The following HOXD9 variants were observed in gnomAD, a reference collection of about 807,000 sequenced individuals.
HOXD9 encodes homeobox D9.
HOXD9 carries 21 observed loss-of-function variants against 24.6 expected under a neutral mutation model. The observed-to-expected ratio is 0.85, with a 90% CI of 0.61 to 1.23. HOXD9 has a LOEUF of 1.23. Among genes scored for constraint, HOXD9 ranks in the 50% most tolerant of loss-of-function variants. HOXD9 has a pLI of 0.00. For synonymous variants in HOXD9, 240 were observed against 226.4 expected, an observed-to-expected ratio of 1.06 and a Z score of -0.54; for missense variants, 503 against 503.6, an observed-to-expected ratio of 1.00 and a Z score of 0.01.
Position 176,123,949 on chromosome 2 carries a change from A to T in HOXD9, c.833A>T (p.Asn278Ile). The T allele has an allele frequency of 6.2e-7, 1 of 1,611,420 alleles. No individual in the cohort carries two copies. Among genetic ancestry groups the T allele is most frequent in the Non-Finnish European group, 8.5e-7 (1 of 1,177,922 alleles). Reference sequence around the variant, plus strand: ...CTCTTTGTAGACAACCCCGCCGCGAACTGGATCCACGCTCGCTCCACCCGG... The same window carrying T: ...CTCTTTGTAGACAACCCCGCCGCGATCTGGATCCACGCTCGCTCCACCCGG... ...QQLDPNNPAA[N>I]WIHARSTRKK... The change falls in exon 2 of 2, where the codon AAC becomes ATC. Residue 278 changes from asparagine to isoleucine, a missense_variant. Transcript: ENST00000249499. This position sits in a 1 kb window ranked among gnomAD's most constrained non-coding sequence, Gnocchi z 4.2.
In HOXD9 at chr2:176,123,985, G is replaced by C. The variant is rs772328942; in HGVS notation, c.869G>C (p.Cys290Ser). ...IHARSTRKKR[C>S]PYTKYQTLEL... is the part of the protein sequence containing the mutation. ...GCTCGCTCCACCCGGAAAAAGCGCT[G>C]TCCCTACACCAAATACCAGACGCTT... The change falls in exon 2 of 2, where the codon TGT becomes TCT. Residue 290 changes from cysteine (C) to serine (S), a missense_variant. Transcript: ENST00000249499. The surrounding 1 kb of genome is among the most constrained non-coding windows in gnomAD (Gnocchi z 4.2). 1.9e-6 allele frequency: 3 copies of C among 1,613,818 alleles called. No individual in the cohort carries two copies. The highest frequency in any genetic ancestry group is 2.2e-5 in the South Asian group (2 of 91,074).
Position 176,123,245 on chromosome 2 carries a change from G to A in HOXD9, c.477G>A (p.Gly159=). Residue 159 remains glycine (G), a synonymous_variant, in exon 1 of 2, where the codon GGG becomes GGA. Coordinates refer to ENST00000249499, the MANE Select transcript of HOXD9 (RefSeq NM_014213.4). The surrounding 1 kb of genome is among the most constrained non-coding windows in gnomAD (Gnocchi z 4.2). ...GCCCAGCCAACGGGCGCCACTACGG[G>A]ATTAAGCCTGAAACCCGAGCGGCCC... ...PSGPANGRHY[G]IKPETRAAPA... 2 of 1,510,646 alleles carry A rather than the reference G, an allele frequency of 1.3e-6. No individual in the cohort carries two copies. Among genetic ancestry groups the A allele is most frequent in the Non-Finnish European group, 8.9e-7 (1 of 1,126,138 alleles). 93.6% of individuals were successfully genotyped at this position (1,510,646 alleles called of 1,614,324 possible). A position where few individuals can be genotyped will look rare whatever the true frequency, so the allele number is the denominator to read the frequency against.
chr2:176,123,157 C>G lies in HOXD9; in HGVS notation c.389C>G (p.Ala130Gly). ...CCGCTGCCCGGCTTCCCGGGCGGTG[C>G]GGGCGGTGGCGGTGGTGGTGGAGGC... ...MEPLPGFPGG[A>G]GGGGGGGGGG... is the part of the protein sequence containing the mutation. The change falls in exon 1 of 2, where the codon GCG (alanine) becomes GGG (glycine). Residue 130 changes from alanine to glycine, a missense_variant. Coordinates refer to ENST00000249499, the MANE Select transcript of HOXD9 (RefSeq NM_014213.4). The surrounding 1 kb of genome is among the most constrained non-coding windows in gnomAD (Gnocchi z 4.2). 1 of 1,407,996 alleles carries G rather than the reference C, an allele frequency of 7.1e-7. No individual in the cohort carries two copies. The highest frequency in any genetic ancestry group is 9.2e-7 in the Non-Finnish European group (1 of 1,085,870). 87.2% of individuals were successfully genotyped at this position (1,407,996 alleles called of 1,614,324 possible).
chr2:176,124,154 G>A lies in HOXD9; in HGVS notation c.1038G>A (p.Glu346=), dbSNP rs767188288. 4.3e-6 allele frequency: 7 copies of A among 1,612,902 alleles called. No individual in the cohort carries two copies. In the African/African-American group the frequency reaches 8.0e-5, roughly 18 times the overall value. The change falls in exon 2 of 2, where the codon GAG becomes GAA. Residue 346 remains glutamate (E), a synonymous_variant. Transcript: ENST00000249499. ...RRMKMKKMSK[E]KCPKGD Reference sequence around the variant, plus strand: ...TGAAAATGAAAAAGATGAGCAAGGAGAAATGCCCCAAAGGAGACTGACCCG... The same window carrying A: ...TGAAAATGAAAAAGATGAGCAAGGAAAAATGCCCCAAAGGAGACTGACCCG...
chr2:176,123,133 C>T lies in HOXD9; in HGVS notation c.365C>T (p.Pro122Leu), dbSNP rs1689906888. 2 of 1,420,684 alleles carry T rather than the reference C, an allele frequency of 1.4e-6. No individual in the cohort carries two copies. The highest frequency in any genetic ancestry group is 9.1e-7 in the Non-Finnish European group (1 of 1,093,012). The allele number at this position is 1,420,684 out of a possible 1,614,324, so 88.0% of individuals were successfully genotyped here. A position where few individuals can be genotyped will look rare whatever the true frequency, so the allele number is the denominator to read the frequency against. Residue 122 changes from proline (P) to leucine (L), a missense_variant, in exon 1 of 2, where the codon CCG becomes CTG. Physicochemically the swap from Pro to Leu is moderately conservative, Grantham distance 98. Coordinates refer to ENST00000249499, the MANE Select transcript of HOXD9 (RefSeq NM_014213.4). This position sits in a 1 kb window ranked among gnomAD's most constrained non-coding sequence, Gnocchi z 4.2. The part of the protein sequence containing the change: ...PGRYVRSWME[P>L]LPGFPGGAGG... ...CGCTACGTGCGCTCCTGGATGGAGC[C>T]GCTGCCCGGCTTCCCGGGCGGTGCG...
rs776668727 is a variant in HOXD9, at chr2:176,124,095, A to C, written c.979A>C (p.Arg327=). 1.2e-6 allele frequency: 2 copies of C among 1,614,180 alleles called. No individual in the cohort carries two copies. Among genetic ancestry groups the C allele is most frequent in the Non-Finnish European group, 1.7e-6 (2 of 1,180,016 alleles). The change falls in exon 2 of 2, where the codon AGA becomes CGA. Residue 327 remains arginine, a synonymous_variant. Transcript: ENST00000249499. ...EVARILNLTE[R]QVKIWFQNRR... is the part of the protein sequence containing the mutation. ...GGCCAGGATTCTCAACCTAACAGAG[A>C]GACAGGTCAAAATCTGGTTTCAGAA...
rs780806613 is a variant in HOXD9 at position 176,124,052 on chromosome 2, G to A, written c.936G>A (p.Arg312=). 6.2e-7 allele frequency: 1 copy of A among 1,614,014 alleles called. No individual in the cohort carries two copies. Among genetic ancestry groups the A allele is most frequent in the South Asian group, 1.1e-5 (1 of 91,076 alleles). The change falls in exon 2 of 2, where the codon CGG becomes CGA. Residue 312 remains arginine, a synonymous_variant. Coordinates refer to ENST00000249499, the MANE Select transcript of HOXD9 (RefSeq NM_014213.4). ...KEFLFNMYLT[R]DRRYEVARIL... is the part of the protein sequence containing the mutation. ...TCCTCTTCAACATGTACCTCACCCG[G>A]GACCGGCGCTACGAGGTGGCCAGGA...
chr2:176,123,490 A>G lies in HOXD9; in HGVS notation c.722A>G (p.Glu241Gly), dbSNP rs781552143. Residue 241 changes from glutamate to glycine, a missense_variant, in exon 1 of 2, where the codon GAG becomes GGG. Coordinates refer to ENST00000249499, the MANE Select transcript of HOXD9 (RefSeq NM_014213.4). The surrounding 1 kb of genome is among the most constrained non-coding windows in gnomAD (Gnocchi z 4.2). Reference protein sequence around the residue: ...GAATGTGGSSEPSACSDHPIP... With the variant: ...GAATGTGGSSGPSACSDHPIP... ...GCGACTGGGACGGGCGGCTCGTCGGAGCCCTCAGCTTGCAGCGACCACCCG... is the reference window on the plus strand; with the variant it reads ...GCGACTGGGACGGGCGGCTCGTCGGGGCCCTCAGCTTGCAGCGACCACCCG... 16 of 1,538,812 alleles carry G rather than the reference A, an allele frequency of 1.0e-5. No homozygotes were observed. The highest frequency in any genetic ancestry group is 1.4e-5 in the Non-Finnish European group (16 of 1,137,890).
In HOXD9 at chr2:176,123,910, G is replaced by C; in HGVS notation, c.818-24G>C. The C allele has an allele frequency of 6.3e-7, 1 of 1,594,626 alleles. No individual in the cohort carries two copies. Among genetic ancestry groups the C allele is most frequent in the Non-Finnish European group, 8.6e-7 (1 of 1,165,436 alleles). The stretch of plus-strand genomic sequence containing the variant: ...GCCTCCCCTCCTCTCCTCTCTCCCC[G>C]TCTCCAAACCTCCCTCTTTGTAGAC... On this transcript the variant is annotated intron_variant, in intron 1 of 1. Transcript: ENST00000249499. This position sits in a 1 kb window ranked among gnomAD's most constrained non-coding sequence, Gnocchi z 4.2.
Position 176,123,729 on chromosome 2 carries a change from T to C in HOXD9, c.817+144T>C. The C allele has an allele frequency of 8.3e-7, 1 of 1,210,178 alleles. No homozygotes were observed. The highest frequency in any genetic ancestry group is 1.1e-6 in the Non-Finnish European group (1 of 898,134). 75.0% of individuals were successfully genotyped at this position (1,210,178 alleles called of 1,614,324 possible). A position where few individuals can be genotyped will look rare whatever the true frequency, so the allele number is the denominator to read the frequency against. Reference sequence around the variant, plus strand: ...AACAACATGCATCCATAAAAAGAGCTTCCCATAACCACCTACCCTGGGCGC... The same window carrying C: ...AACAACATGCATCCATAAAAAGAGCCTCCCATAACCACCTACCCTGGGCGC... On this transcript the variant is annotated intron_variant, in intron 1 of 1. Transcript: ENST00000249499. This position sits in a 1 kb window ranked among gnomAD's most constrained non-coding sequence, Gnocchi z 4.2.
In HOXD9 at chr2:176,122,987, C is replaced by G. The variant is rs1358688490; in HGVS notation, c.219C>G (p.Ala73=). 2 of 1,597,934 alleles carry G rather than the reference C, an allele frequency of 1.3e-6. No homozygotes were observed. Among genetic ancestry groups the G allele is most frequent in the South Asian group, 2.2e-5 (2 of 89,656 alleles). The change falls in exon 1 of 2, where the codon GCC becomes GCG. Residue 73 remains alanine (A), a synonymous_variant. Transcript: ENST00000249499. ...CGTGTAGTTTTGCCCCCAGATCGGC[C>G]GTGTTCTCTGCCTCGTGGTCCGCGG... ...FASCSFAPRS[A]VFSASWSAVP...
At position 176,123,245 on chromosome 2, in the gene HOXD9, G is replaced by T. The variant is rs1186743498; in HGVS notation, c.477G>T (p.Gly159=). 6.6e-7 allele frequency: 1 copy of T among 1,510,526 alleles called. No individual in the cohort carries two copies. Among genetic ancestry groups the T allele is most frequent in the African/African-American group, 1.4e-5 (1 of 69,834 alleles). The allele number at this position is 1,510,526 out of a possible 1,614,324, so 93.6% of individuals were successfully genotyped here. A position where few individuals can be genotyped will look rare whatever the true frequency, so the allele number is the denominator to read the frequency against. ...GCCCAGCCAACGGGCGCCACTACGG[G>T]ATTAAGCCTGAAACCCGAGCGGCCC... ...PSGPANGRHY[G]IKPETRAAPA... The change falls in exon 1 of 2, where the codon GGG becomes GGT. Residue 159 remains glycine, a synonymous_variant. Coordinates refer to ENST00000249499, the MANE Select transcript of HOXD9 (RefSeq NM_014213.4). The surrounding 1 kb of genome is among the most constrained non-coding windows in gnomAD (Gnocchi z 4.2).
chr2:176,123,710 A>G lies in HOXD9; in HGVS notation c.817+125A>G. 5 of 1,288,324 alleles carry G rather than the reference A, an allele frequency of 3.9e-6. No individual in the cohort carries two copies. Among genetic ancestry groups the G allele is most frequent in the Middle Eastern group, 2.5e-4 (1 of 4,036 alleles). The allele number at this position is 1,288,324 out of a possible 1,614,324, so 79.8% of individuals were successfully genotyped here. On this transcript the variant is annotated intron_variant, in intron 1 of 1. Transcript: ENST00000249499. This position sits in a 1 kb window ranked among gnomAD's most constrained non-coding sequence, Gnocchi z 4.2. ...GCCTACCCAAGCCTAGGCGAACAAC[A>G]TGCATCCATAAAAAGAGCTTCCCAT...
chr2:176,123,354 G>A lies in HOXD9; in HGVS notation c.586G>A (p.Ala196Thr), dbSNP rs781726372. ...CTCCAAACGGACTGAGTGCTCCGTG[G>A]CCCGGGAGTCCCAGGGGAGCAGCGG... ...SSSKRTECSV[A>T]RESQGSSGPE... is the part of the protein sequence containing the mutation. Residue 196 changes from alanine (A) to threonine (T), a missense_variant, in exon 1 of 2, where the codon GCC (alanine) becomes ACC (threonine). Transcript: ENST00000249499. The surrounding 1 kb of genome is among the most constrained non-coding windows in gnomAD (Gnocchi z 4.2). 3.2e-6 allele frequency: 5 copies of A among 1,550,242 alleles called. No homozygotes were observed. Among genetic ancestry groups the A allele is most frequent in the Admixed American group, 2.0e-5 (1 of 50,978 alleles).
chr2:176,122,884 G>A lies in HOXD9; in HGVS notation c.116G>A (p.Gly39Glu). The A allele has an allele frequency of 1.3e-6, 2 of 1,593,286 alleles. No homozygotes were observed. The highest frequency in any genetic ancestry group is 1.1e-5 in the South Asian group (1 of 88,958). The change falls in exon 1 of 2, where the codon GGG becomes GAG. Residue 39 changes from glycine to glutamate, a missense_variant. Gly to Glu is a moderately conservative substitution (Grantham distance 98, BLOSUM62 -2). Transcript: ENST00000249499. ...GACGAGGTGTTCGCGGCGCGCTTCGGGCCGCCGGGGCCAGGCGCGCAGGGC... is the reference window on the plus strand; with the variant it reads ...GACGAGGTGTTCGCGGCGCGCTTCGAGCCGCCGGGGCCAGGCGCGCAGGGC... Reference protein sequence around the residue: ...EGDEVFAARFGPPGPGAQGRP... With the variant: ...EGDEVFAARFEPPGPGAQGRP...
rs776464566 is a variant in HOXD9 at position 176,123,577 on chromosome 2, T to C, written c.809T>C (p.Leu270Pro). Residue 270 changes from leucine (L) to proline (P), a missense_variant, in exon 1 of 2, where the codon CTT becomes CCT. By Grantham distance (98) the Leu-to-Pro change is moderately conservative. Coordinates refer to ENST00000249499, the MANE Select transcript of HOXD9 (RefSeq NM_014213.4). The surrounding 1 kb of genome is among the most constrained non-coding windows in gnomAD (Gnocchi z 4.2). The stretch of plus-strand genomic sequence containing the variant: ...CATTCGCAGCCGCAGCAGCAGCAAC[T>C]TGACCCAAGTAAGTGCAAAAGAAAT... ...KQHSQPQQQQ[L>P]DPNNPAANWI... The C allele has an allele frequency of 2.1e-6, 3 of 1,408,642 alleles. No homozygotes were observed. The highest frequency in any genetic ancestry group is 2.8e-6 in the Non-Finnish European group (3 of 1,054,160). 87.3% of individuals were successfully genotyped at this position (1,408,642 alleles called of 1,614,324 possible).
In HOXD9 at chr2:176,122,807, C is replaced by T. The variant is rs1446182205; in HGVS notation, c.39C>T (p.Ser13=). The change falls in exon 1 of 2, where the codon TCC becomes TCT. Residue 13 remains serine (S), a synonymous_variant. Coordinates refer to ENST00000249499, the MANE Select transcript of HOXD9 (RefSeq NM_014213.4). ...GTGCGGGACGCCTCAAAATGTCTTC[C>T]AGTGGCACCCTCAGCAACTACTACG... ...GGSAGRLKMS[S]SGTLSNYYVD... is the part of the protein sequence containing the mutation. 1.3e-6 allele frequency: 2 copies of T among 1,541,642 alleles called. No individual in the cohort carries two copies. The highest frequency in any genetic ancestry group is 1.7e-6 in the Non-Finnish European group (2 of 1,150,352).
Position 176,123,476 on chromosome 2 carries a change from G to T in HOXD9, c.708G>T (p.Thr236=). The T allele has an allele frequency of 1.3e-6, 2 of 1,546,248 alleles. No individual in the cohort carries two copies. The highest frequency in any genetic ancestry group is 1.4e-5 in the African/African-American group (1 of 72,576). ...CAGGGATCGGGGCCGCGACTGGGAC[G>T]GGCGGCTCGTCGGAGCCCTCAGCTT... ...PGAGIGAATG[T]GGSSEPSACS... Residue 236 remains threonine (T), a synonymous_variant, in exon 1 of 2, where the codon ACG becomes ACT. Coordinates refer to ENST00000249499, the MANE Select transcript of HOXD9 (RefSeq NM_014213.4). This position sits in a 1 kb window ranked among gnomAD's most constrained non-coding sequence, Gnocchi z 4.2.
rs1689917017 is a variant in HOXD9 at position 176,123,410 on chromosome 2, G to A, written c.642G>A (p.Gln214=). The change falls in exon 1 of 2, where the codon CAG becomes CAA. Residue 214 remains glutamine (Q), a synonymous_variant. Coordinates refer to ENST00000249499, the MANE Select transcript of HOXD9 (RefSeq NM_014213.4). This position sits in a 1 kb window ranked among gnomAD's most constrained non-coding sequence, Gnocchi z 4.2. ...GPEFSCNSFL[Q]EKAAAATGGT... ...AGTTCTCGTGCAACTCGTTCCTGCA[G>A]GAGAAGGCGGCAGCGGCGACGGGGG... 6.4e-7 allele frequency: 1 copy of A among 1,556,770 alleles called. No individual in the cohort carries two copies. Among genetic ancestry groups the A allele is most frequent in the African/African-American group, 1.4e-5 (1 of 73,278 alleles).
Sources: allele counts gnomAD v4.1 joint callset, GRCh38; gene constraint gnomAD v4.1.1; non-coding constraint Gnocchi (gnomAD v3.1); transcripts MANE v1.5; gene names NCBI Gene and HGNC (gene_info 2026-07-23, HGNC 2026-07-21).